Variants in MCC observed in about 807,000 individuals in gnomAD.
MCC encodes the protein MCC regulator of Wnt signaling pathway, also known as colorectal mutant cancer protein.
In MCC, 90 loss-of-function variants were observed where a neutral mutation model predicts 116.2. That is an observed-to-expected ratio of 0.77 (90% confidence interval 0.65 to 0.92). The LOEUF (loss-of-function observed/expected upper bound fraction) is 0.92. Ranked by LOEUF, MCC falls within the 40% of genes least tolerant of loss-of-function variation. The pLI, the probability that MCC is intolerant of heterozygous loss-of-function variation, is 0.00. For synonymous variants in MCC, 578 were observed against 510.5 expected, an observed-to-expected ratio of 1.13 and a Z score of -1.78; for missense variants, 1,516 against 1,312.2, an observed-to-expected ratio of 1.16 and a Z score of -2.40.
intron 17 of MCC, among the ~76,000 whole-genome samples, chr5:113,033,105 G>T (rs1367402830): frequency 6.6e-6 from 1 of 152,144 alleles, no homozygotes; most frequent in Non-Finnish European, 1.5e-5. Flanking sequence ...ATTCTTTCTT[G>T]CACAAGATCC....
Position 113,434,878 on chromosome 5 carries a change from A to G in MCC, c.171-49666T>C, listed in dbSNP as rs376688373. On this transcript the variant is annotated intron_variant, in intron 1 of 18. Coordinates refer to ENST00000408903, the MANE Select transcript of MCC (RefSeq NM_001085377.2). The surrounding 1 kb of genome is among the most constrained non-coding windows in gnomAD (Gnocchi z 4.2). ...CCCAGTGCCTCTGAGGCTGCCCTCT[A>G]CAGCCCCGAGGCGCATGGGCCAGCA... 79 of 1,578,824 alleles carry G rather than the reference A, an allele frequency of 5.0e-5. No homozygotes were observed. In the African/African-American group the frequency reaches 9.7e-4, roughly 19 times the overall value.
chr5:113,255,080 G>C (rs937239058), intron 3 of MCC, among the ~76,000 whole-genome samples: 4 of 152,164 alleles, frequency 2.6e-5, no homozygotes, highest in African/African-American at 9.7e-5. Context: ...CAGAAAAATC[G>C]ATTAAACCCA....
At chr5:113,420,856 T>G (rs1427926760) in intron 1 of MCC, among the ~76,000 whole-genome samples, 2 of 152,166 alleles carry the variant, frequency 1.3e-5, no homozygotes, top group African/African-American at 4.8e-5. Flanking sequence ...TCCGGGGATA[T>G]ATCAGGCAGT....
At chr5:113,064,219 C>A in intron 13 of MCC, 52 bp from the exon 14 acceptor site, 1 of 1,508,620 alleles carries the variant, frequency 6.6e-7, no homozygotes, top group Non-Finnish European at 9.0e-7. Context: ...GGACAAGGCA[C>A]GCCTGGGAGG....
chr5:113,045,373 G>T (rs917729983), intron 16 of MCC, among the ~76,000 whole-genome samples: 1 of 152,120 alleles, frequency 6.6e-6, no homozygotes, highest in East Asian at 1.9e-4. Context: ...AATGTGGCCC[G>T]CCAGCTGCTT....
At position 113,053,758 on chromosome 5, in the gene MCC, G is replaced by A. The variant is rs116597487; in HGVS notation, c.2415C>T (p.Asn805=). The A allele has an allele frequency of 3.0e-4, 485 of 1,613,144 alleles. 1 individual carries two copies. Among genetic ancestry groups the A allele is most frequent in the African/African-American group, 2.7e-3 (204 of 75,004 alleles). The change falls in exon 15 of 19, where the codon AAC becomes AAT. Residue 805 remains asparagine (N), a synonymous_variant. Coordinates refer to ENST00000408903, the MANE Select transcript of MCC (RefSeq NM_001085377.2). ...RGDSQRLDLE[N]AVLMQELMAM... The stretch of plus-strand genomic sequence containing the variant: ...CCATGAGCTCCTGCATAAGCACTGC[G>A]TTTTCCAGATCCAGCCTCTGGCTGT...
chr5:113,357,744 C>T (rs771135792), intron 2 of MCC, among the ~76,000 whole-genome samples: 7 of 152,142 alleles, frequency 4.6e-5, no homozygotes, highest in East Asian at 1.9e-4. Flanking sequence ...ATGTGTACAA[C>T]GTCAGTAAAT....
chr5:113,486,410 G>T (rs569892211), intron 1 of MCC, among the ~76,000 whole-genome samples: 1 of 152,072 alleles, frequency 6.6e-6, no homozygotes, highest in African/African-American at 2.4e-5. Context: ...TTATCCTCCC[G>T]GGTAGAATCA....
intron 3 of MCC, among the ~76,000 whole-genome samples, chr5:113,208,702 A>T (rs946488894): frequency 6.6e-5 from 10 of 152,232 alleles, no homozygotes; most frequent in Non-Finnish European, 1.5e-4. Context: ...GAGGAGTCAC[A>T]GAAAATTCAG....
At chr5:113,060,797 C>T (rs997043177) in intron 14 of MCC, among the ~76,000 whole-genome samples, 1 of 151,950 alleles carries the variant, frequency 6.6e-6, no homozygotes, top group Non-Finnish European at 1.5e-5. Context: ...AAGGATGTGT[C>T]GGGGCTGGTC....
intron 17 of MCC, among the ~76,000 whole-genome samples, chr5:113,031,274 C>T (rs1184682624): frequency 6.6e-6 from 1 of 152,142 alleles, no homozygotes; most frequent in Non-Finnish European, 1.5e-5. Context: ...CTGGAAGGAG[C>T]GTGTGTTTTT....
intron 3 of MCC, among the ~76,000 whole-genome samples, chr5:113,308,841 A>T (rs973545082): frequency 5.9e-5 from 9 of 151,826 alleles, no homozygotes; most frequent in Admixed American, 2.6e-4. Context: ...GAGAGACAGA[A>T]AAAAAGAGAG....
At chr5:113,159,957 C>T (rs1474886985) in intron 3 of MCC, among the ~76,000 whole-genome samples, 1 of 152,234 alleles carries the variant, frequency 6.6e-6, no homozygotes, top group African/African-American at 2.4e-5. Flanking sequence ...AAAGCAGCAG[C>T]TTTTCATCTT....
intron 5 of MCC, among the ~76,000 whole-genome samples, chr5:113,127,647 C>G (rs1758142605): frequency 6.6e-6 from 1 of 152,130 alleles, no homozygotes; most frequent in African/African-American, 2.4e-5. Context: ...GCATGTATAT[C>G]TTTTGAAAAA....
chr5:113,027,543 TC>T, intron 18 of MCC, 61 bp from the exon 19 acceptor site: 1 of 1,448,458 alleles, frequency 6.9e-7, no homozygotes, highest in Non-Finnish European at 9.6e-7. Flanking sequence ...CGTGACACCA[TC>T]CTGTCCACTG....
chr5:113,327,304 C>T (rs998294539), intron 3 of MCC, among the ~76,000 whole-genome samples: 4 of 151,562 alleles, frequency 2.6e-5, no homozygotes, highest in Admixed American at 6.6e-5. Context: ...CCCAGCACTT[C>T]GGGAGGCCGA....
chr5:113,450,201 TGAGTTGGA>T (rs149370117), intron 1 of MCC, among the ~76,000 whole-genome samples: 2,117 of 152,258 alleles, frequency 0.014, 58 homozygotes, highest in African/African-American at 0.048. Flanking sequence ...AATAAGAAAC[TGAGTTGGA>T]GAGAAATAAC....
At chr5:113,294,609 G>C (rs887293807) in intron 3 of MCC, 44 of 1,174,306 alleles carry the variant, frequency 3.7e-5, no homozygotes, top group Non-Finnish European at 4.4e-5. Flanking sequence ...CAGGAGGCTC[G>C]GTGGCGCGGC....
intron 1 of MCC, among the ~76,000 whole-genome samples, chr5:113,431,591 C>T (rs1770646304): frequency 6.6e-6 from 1 of 152,250 alleles, no homozygotes; most frequent in Non-Finnish European, 1.5e-5. Context: ...AAGCTAGAGG[C>T]AGAGATGCTG....
Sources: allele counts gnomAD v4.1 joint callset (sites outside exome capture counted in the v4.1 genomes callset), GRCh38; gene constraint gnomAD v4.1.1; non-coding constraint Gnocchi (gnomAD v3.1); transcripts MANE v1.5; gene names NCBI Gene and HGNC (gene_info 2026-07-23, HGNC 2026-07-21).